The following PHF3 variants were observed in gnomAD, a reference collection of about 807,000 sequenced individuals.
PHF3 encodes PHD finger protein 3.
PHF3 carries 41 observed loss-of-function variants against 178.4 expected under a neutral mutation model. The observed-to-expected ratio is 0.23, with a 90% CI of 0.18 to 0.30. The LOEUF (loss-of-function observed/expected upper bound fraction) is 0.30, where lower values mean the gene tolerates loss of function less well. PHF3 is among the 10% of genes least tolerant of loss of function. The pLI, the probability that PHF3 is intolerant of heterozygous loss-of-function variation, is 1.00. For missense variants in PHF3, 2,346 were observed against 2,398.1 expected (o/e 0.98, Z 0.45); for synonymous variants, 842 against 800.5 (o/e 1.05, Z -0.88).
At position 63,691,741 on chromosome 6, in the gene PHF3, A is replaced by T; in HGVS notation, c.2194A>T (p.Met732Leu). 6.3e-7 allele frequency: 1 copy of T among 1,591,900 alleles called. No individual in the cohort carries two copies. ...FCKKPHGNRF[M>L]VGCGRCDDWF... The stretch of plus-strand genomic sequence containing the variant: ...TTTTGGTGTTCTGTTTTCCAGGTTT[A>T]TGGTTGGCTGTGGGAGATGTGATGA... The change falls in exon 5 of 16, where the codon ATG becomes TTG. Residue 732 changes from methionine (M) to leucine (L), a missense_variant. By Grantham distance (15) the Met-to-Leu change is conservative (BLOSUM62 2). Coordinates refer to ENST00000262043, the MANE Select transcript of PHF3 (RefSeq NM_001370348.2).
At chr6:63,641,036 T>C (rs1424219205) in intron 1 of PHF3, among the ~76,000 whole-genome samples, 1 of 152,232 alleles carries the variant, frequency 6.6e-6, no homozygotes, top group Non-Finnish European at 1.5e-5. Context: ...TGTCTTGAAG[T>C]TTGAGCACAA....
In PHF3 at chr6:63,723,245, T is replaced by A. The variant is rs1041773846; in HGVS notation, c.*9537T>A. Among the ~76,000 whole-genome samples the A allele has an allele frequency of 1.3e-5, 2 of 152,160 alleles. No homozygotes were observed. Among genetic ancestry groups the A allele is most frequent in the Admixed American group, 6.5e-5 (1 of 15,272 alleles). On this transcript the variant is annotated 3_prime_UTR_variant, in exon 16 of 16. Transcript: ENST00000262043. The stretch of plus-strand genomic sequence containing the variant: ...TGCATAATTTCTAACATGTATAGCA[T>A]TTTTAACTATAAGGAAAGAGAAGCA...
At chr6:63,675,551 T>C (rs916447422) in intron 2 of PHF3, among the ~76,000 whole-genome samples, 4 of 152,176 alleles carry the variant, frequency 2.6e-5, no homozygotes, top group African/African-American at 9.7e-5. Context: ...CTGAAGGCAA[T>C]GTAGAGCTTG....
intron 1 of PHF3, among the ~76,000 whole-genome samples, chr6:63,639,712 T>A (rs769410149): frequency 6.6e-6 from 1 of 152,140 alleles, no homozygotes; most frequent in Non-Finnish European, 1.5e-5. Context: ...GGACTAATAA[T>A]TGCACCTACC....
intron 2 of PHF3, among the ~76,000 whole-genome samples, chr6:63,661,362 G>A (rs748707110): frequency 9.9e-5 from 15 of 151,982 alleles, no homozygotes; most frequent in Non-Finnish European, 1.9e-4. Context: ...ATGCAGGTGG[G>A]GTACAACTTT....
At chr6:63,648,042 T>TA (rs1296896101) in intron 2 of PHF3, among the ~76,000 whole-genome samples, 1 of 152,202 alleles carries the variant, frequency 6.6e-6, no homozygotes, top group East Asian at 1.9e-4. Flanking sequence ...TGTTGGCCCT[T>TA]AAGTTTGCCA....
chr6:63,645,826 C>G (rs1764760262), intron 1 of PHF3, among the ~76,000 whole-genome samples: 1 of 152,050 alleles, frequency 6.6e-6, no homozygotes, highest in Non-Finnish European at 1.5e-5. Context: ...AATCTAAATA[C>G]ATGATGTAGA....
chr6:63,669,751 G>T (rs895748879), intron 2 of PHF3, among the ~76,000 whole-genome samples: 4 of 152,118 alleles, frequency 2.6e-5, no homozygotes, highest in African/African-American at 9.7e-5. Context: ...GTTCATAAGA[G>T]GCCAGAGAAA....
chr6:63,653,369 T>A (rs1765103890), intron 2 of PHF3, among the ~76,000 whole-genome samples: 1 of 152,072 alleles, frequency 6.6e-6, no homozygotes. Context: ...CTTTAATTTC[T>A]GTTATTAGTT....
chr6:63,689,263 C>A (rs1766888688), intron 4 of PHF3, among the ~76,000 whole-genome samples: 1 of 152,074 alleles, frequency 6.6e-6, no homozygotes, highest in Non-Finnish European at 1.5e-5. Context: ...TTAGTTTTTT[C>A]ATGTTATTTA....
At chr6:63,682,836 A>C (rs1162050437) in intron 3 of PHF3, among the ~76,000 whole-genome samples, 1 of 152,068 alleles carries the variant, frequency 6.6e-6, no homozygotes, top group Non-Finnish European at 1.5e-5. Flanking sequence ...ATTTTTAGCA[A>C]CCGCTTGGGT....
intron 5 of PHF3, among the ~76,000 whole-genome samples, chr6:63,692,484 A>T (rs1582090699): frequency 2.0e-5 from 3 of 152,348 alleles, no homozygotes; most frequent in South Asian, 4.1e-4. Context: ...TTAGGCTTTA[A>T]TAGGAGAAAT....
chr6:63,719,342 C>T lies in PHF3; in HGVS notation c.*5634C>T, dbSNP rs1391302458. Reference sequence around the variant, plus strand: ...AGCCCTTATTTTTTGTAAATCTTTTCTCTAATTACTTGATGATTAATTTCA... The same window carrying T: ...AGCCCTTATTTTTTGTAAATCTTTTTTCTAATTACTTGATGATTAATTTCA... On this transcript the variant is annotated 3_prime_UTR_variant, in exon 16 of 16. Transcript: ENST00000262043. Among the ~76,000 whole-genome samples the T allele has an allele frequency of 1.3e-5, 2 of 151,768 alleles. No individual in the cohort carries two copies. The highest frequency in any genetic ancestry group is 2.9e-5 in the Non-Finnish European group (2 of 67,886).
Position 63,724,411 on chromosome 6 carries a change from A to C in PHF3, c.*10703A>C, listed in dbSNP as rs181614148. On this transcript the variant is annotated 3_prime_UTR_variant, in exon 16 of 16. Coordinates refer to ENST00000262043, the MANE Select transcript of PHF3 (RefSeq NM_001370348.2). Reference sequence around the variant, plus strand: ...GAAAAGGAAAGCAATGGTAATTTAAACTTATTTATATATTTTTAATATAGT... The same window carrying C: ...GAAAAGGAAAGCAATGGTAATTTAACCTTATTTATATATTTTTAATATAGT... Among the ~76,000 whole-genome samples the C allele has an allele frequency of 1.1e-4, 16 of 150,916 alleles. No individual in the cohort carries two copies. The East Asian group carries it at 3.1e-3, about 29-fold the overall frequency.
In PHF3 at chr6:63,684,892, C is replaced by T; in HGVS notation, c.1170C>T (p.Thr390=). Residue 390 remains threonine (T), a synonymous_variant, in exon 4 of 16, where the codon ACC becomes ACT. Transcript: ENST00000262043. The part of the protein sequence containing the change: ...TMGIADKTEN[T]LERNKIEPLG... Reference sequence around the variant, plus strand: ...GTATTGCTGATAAAACTGAGAACACCCTTGAAAGAAATAAAATTGAACCGT... The same window carrying T: ...GTATTGCTGATAAAACTGAGAACACTCTTGAAAGAAATAAAATTGAACCGT... The T allele has an allele frequency of 6.2e-7, 1 of 1,613,786 alleles. No homozygotes were observed. The highest frequency in any genetic ancestry group is 1.1e-5 in the South Asian group (1 of 91,058).
intron 8 of PHF3, among the ~76,000 whole-genome samples, chr6:63,699,093 A>T (rs116112352): frequency 6.6e-6 from 1 of 152,304 alleles, no homozygotes; most frequent in African/African-American, 2.4e-5. Context: ...AGTTCCAAGT[A>T]TTATAGCAGT....
At chr6:63,662,269 T>C (rs1225132991) in intron 2 of PHF3, among the ~76,000 whole-genome samples, 1 of 152,186 alleles carries the variant, frequency 6.6e-6, no homozygotes, top group East Asian at 1.9e-4. Flanking sequence ...AAAAGTTATT[T>C]TGGGGTCCTC....
At position 63,684,327 on chromosome 6, in the gene PHF3, G is replaced by T; in HGVS notation, c.605G>T (p.Arg202Leu). 1 of 1,613,914 alleles carries T rather than the reference G, an allele frequency of 6.2e-7. No homozygotes were observed. Among genetic ancestry groups the T allele is most frequent in the Non-Finnish European group, 8.5e-7 (1 of 1,179,848 alleles). ...EYHKENRRCS[R>L]NSGQIEVVPE... ...CATAAGGAGAATAGAAGGTGCAGCC[G>T]AAATAGCGGACAAATTGAAGTGGTA... Residue 202 changes from arginine to leucine, a missense_variant, in exon 4 of 16, where the codon CGA (arginine) becomes CTA (leucine). This residue lies in a region of PHF3 where 843 missense variants were observed against 795.2 expected (regional missense o/e 1.06). Coordinates refer to ENST00000262043, the MANE Select transcript of PHF3 (RefSeq NM_001370348.2).
chr6:63,700,795 G>T (rs903698459), intron 9 of PHF3, among the ~76,000 whole-genome samples: 3 of 152,100 alleles, frequency 2.0e-5, no homozygotes, highest in African/African-American at 7.2e-5. Context: ...CTTAAACCAG[G>T]ATGGTCTCGA....
Sources: allele counts gnomAD v4.1 joint callset (sites outside exome capture counted in the v4.1 genomes callset), GRCh38; gene constraint gnomAD v4.1.1; regional missense constraint gnomAD v4.1.1; transcripts MANE v1.5; gene names NCBI Gene and HGNC (gene_info 2026-07-23, HGNC 2026-07-21).